Variants in USPL1 observed in about 807,000 individuals in gnomAD.
The protein encoded by USPL1 is SUMO-specific isopeptidase USPL1.
In USPL1, 27 loss-of-function variants were observed where a neutral mutation model predicts 51.5. The observed-to-expected ratio is 0.52, with a 90% CI of 0.39 to 0.72. The LOEUF is 0.72. Among genes scored for constraint, USPL1 ranks in the 30% least tolerant of loss-of-function variants. The pLI is 0.00. For synonymous variants in USPL1, 451 were observed against 459.6 expected, an observed-to-expected ratio of 0.98 and a Z score of 0.24; for missense variants, 1,226 against 1,268.0, an observed-to-expected ratio of 0.97 and a Z score of 0.50.
intron 7 of USPL1, among the ~76,000 whole-genome samples, chr13:30,648,295 T>C (rs1951043880): frequency 6.6e-6 from 1 of 152,208 alleles, no homozygotes; most frequent in Non-Finnish European, 1.5e-5. Context: ...TATTAATAAA[T>C]TTTCAATACT....
intron 3 of USPL1, among the ~76,000 whole-genome samples, chr13:30,626,745 T>C (rs1206260376): frequency 6.6e-6 from 1 of 152,148 alleles, no homozygotes; most frequent in Non-Finnish European, 1.5e-5. Context: ...TCCAAAATTA[T>C]ACCAAATTGA....
intron 3 of USPL1, among the ~76,000 whole-genome samples, chr13:30,628,145 C>G (rs1444958835): frequency 6.6e-6 from 1 of 151,624 alleles, no homozygotes; most frequent in African/African-American, 2.4e-5. Flanking sequence ...TTCTGCCTGC[C>G]TCAGCCTCCC....
At chr13:30,626,630 G>A (rs958159546) in intron 3 of USPL1, among the ~76,000 whole-genome samples, 2 of 152,100 alleles carry the variant, frequency 1.3e-5, no homozygotes, top group Non-Finnish European at 2.9e-5. Flanking sequence ...AAAATTTGGA[G>A]TTTACTCTGC....
intron 4 of USPL1, among the ~76,000 whole-genome samples, chr13:30,634,671 G>T (rs1351138386): frequency 1.3e-5 from 2 of 152,082 alleles, no homozygotes. Flanking sequence ...CCATTTGGGG[G>T]GCAAGTCTCC....
chr13:30,631,567 C>A, intron 4 of USPL1, 93 bp downstream of exon 4: 1 of 1,280,286 alleles, frequency 7.8e-7, no homozygotes, highest in Non-Finnish European at 1.1e-6. Context: ...GTGGCATGAT[C>A]ATGTCTCCTT....
At chr13:30,642,856 C>G (rs1220588935) in intron 6 of USPL1, 99 bp downstream of exon 6, 1 of 1,419,244 alleles carries the variant, frequency 7.0e-7, no homozygotes, top group African/African-American at 1.4e-5. Flanking sequence ...TTGCTTGCTT[C>G]TTTAAACTGG....
At chr13:30,623,472 A>C (rs1019919419) in intron 3 of USPL1, among the ~76,000 whole-genome samples, 1 of 152,106 alleles carries the variant, frequency 6.6e-6, no homozygotes, top group Admixed American at 6.6e-5. Flanking sequence ...AAATATATGT[A>C]ATGGGCAAGA....
At chr13:30,618,165 G>C (rs1218066978) in intron 1 of USPL1, 109 bp downstream of exon 1, 1 of 152,498 alleles carries the variant, frequency 6.6e-6, no homozygotes, top group African/African-American at 2.4e-5. Context: ...GGCTGGGCTG[G>C]GACGGGGTTC....
At position 30,630,865 on chromosome 13, in the gene USPL1, A is replaced by C. The variant is rs200624142; in HGVS notation, c.259A>C (p.Asn87His). Residue 87 changes from asparagine (N) to histidine (H), a missense_variant, in exon 4 of 9, where the codon AAT becomes CAT. By Grantham distance (68) the Asn-to-His change is moderately conservative (BLOSUM62 1). Coordinates refer to ENST00000255304, the MANE Select transcript of USPL1 (RefSeq NM_005800.5). ...CIYPLGSKSL[N>H]NLISPDLEEC... Reference sequence around the variant, plus strand: ...CTATCCTTTGGGCTCTAAATCACTTAATAACCTAATTTCTCCTGATTTGGA... The same window carrying C: ...CTATCCTTTGGGCTCTAAATCACTTCATAACCTAATTTCTCCTGATTTGGA... 6.2e-7 allele frequency: 1 copy of C among 1,611,912 alleles called. No homozygotes were observed. Among genetic ancestry groups the C allele is most frequent in the Non-Finnish European group, 8.5e-7 (1 of 1,179,222 alleles).
intron 3 of USPL1, among the ~76,000 whole-genome samples, chr13:30,627,798 A>G (rs1372046425): frequency 1.3e-5 from 2 of 151,972 alleles, no homozygotes; most frequent in Admixed American, 6.6e-5. Context: ...TCATCTTGCA[A>G]AACTGAAACT....
At chr13:30,653,423 T>A in intron 8 of USPL1, 118 bp downstream of exon 8, 1 of 1,045,744 alleles carries the variant, frequency 9.6e-7, no homozygotes, top group Non-Finnish European at 1.3e-6. Flanking sequence ...ACTCTTTCTC[T>A]CTCCATTCTC....
chr13:30,648,876 G>A (rs1174496666), intron 7 of USPL1, among the ~76,000 whole-genome samples: 2 of 152,156 alleles, frequency 1.3e-5, no homozygotes, highest in African/African-American at 4.8e-5. Context: ...GAGGAGAAGA[G>A]CAGCAGAGCA....
At chr13:30,626,575 T>G (rs2031277) in intron 3 of USPL1, among the ~76,000 whole-genome samples, 4,110 of 152,278 alleles carry the variant, frequency 0.027, 119 homozygotes, top group Middle Eastern at 0.099. Flanking sequence ...TGCTGATCCC[T>G]GTATAAGTCC....
Position 30,658,388 on chromosome 13 carries a change from A to C in USPL1, c.2311A>C (p.Met771Leu). The C allele has an allele frequency of 6.2e-7, 1 of 1,613,684 alleles. No homozygotes were observed. Among genetic ancestry groups the C allele is most frequent in the East Asian group, 2.2e-5 (1 of 44,894 alleles). ...KGLISRGASF[M>L]PLCVSAHNRN... The stretch of plus-strand genomic sequence containing the variant: ...CTTAATAAGCAGGGGTGCTTCTTTT[A>C]TGCCACTCTGTGTTTCAGCTCATAA... Residue 771 changes from methionine (M) to leucine (L), a missense_variant, in exon 9 of 9, where the codon ATG becomes CTG. Transcript: ENST00000255304.
intron 3 of USPL1, among the ~76,000 whole-genome samples, chr13:30,625,444 G>GTTTTTTTTT (rs926283215): frequency 2.7e-4 from 32 of 118,932 alleles, no homozygotes; most frequent in Non-Finnish European, 3.8e-4. Context: ...TTTGTTTTTT[G>GTTTTTTTTT]TTTTTTTTTT....
intron 7 of USPL1, 89 bp from the exon 8 acceptor site, chr13:30,653,059 T>G: frequency 7.6e-7 from 1 of 1,322,480 alleles, no homozygotes; most frequent in South Asian, 1.6e-5. Flanking sequence ...GGAAGTGTTA[T>G]GTGTGACTAG....
intron 2 of USPL1, 57 bp from the exon 3 acceptor site, chr13:30,621,707 A>C (rs1950648700): frequency 7.8e-7 from 1 of 1,283,972 alleles, no homozygotes; most frequent in Non-Finnish European, 1.0e-6. Flanking sequence ...TTAACTTTTA[A>C]TATTTTGATA....
chr13:30,657,524 A>G lies in USPL1; in HGVS notation c.1447A>G (p.Lys483Glu), dbSNP rs1324783360. ...AAAAGGCCCATGTTCTGAAAGGCAC[A>G]AGAAATTTGAAGTTCCTGCTTCAGA... is the stretch of plus-strand genomic sequence containing the variant. ...DLKGPCSERH[K>E]KFEVPASEIH... is the part of the protein sequence containing the mutation. Residue 483 changes from lysine to glutamate, a missense_variant, in exon 9 of 9, where the codon AAG becomes GAG. Coordinates refer to ENST00000255304, the MANE Select transcript of USPL1 (RefSeq NM_005800.5). 6.2e-7 allele frequency: 1 copy of G among 1,612,510 alleles called. No individual in the cohort carries two copies. Among genetic ancestry groups the G allele is most frequent in the African/African-American group, 1.3e-5 (1 of 74,832 alleles).
chr13:30,659,600 TG>T lies in USPL1; in HGVS notation c.*245del, dbSNP rs1951228930. The T allele has an allele frequency of 5.3e-6, 2 of 374,960 alleles. No individual in the cohort carries two copies. Among genetic ancestry groups the T allele is most frequent in the Non-Finnish European group, 4.7e-6 (1 of 213,870 alleles). 23.2% of individuals were successfully genotyped at this position (374,960 alleles called of 1,614,324 possible). On this transcript the variant is annotated 3_prime_UTR_variant, in exon 9 of 9. Coordinates refer to ENST00000255304, the MANE Select transcript of USPL1 (RefSeq NM_005800.5). ...TTGTGAGAGTATGAGGATTTCAAAA[TG>T]TTAAAGATGAAAAGTGGCGTCTAGT...
Sources: allele counts gnomAD v4.1 joint callset (sites outside exome capture counted in the v4.1 genomes callset), GRCh38; gene constraint gnomAD v4.1.1; transcripts MANE v1.5; gene names NCBI Gene and HGNC (gene_info 2026-07-23, HGNC 2026-07-21).